Variants in TANC1 observed in about 807,000 individuals in gnomAD.
TANC1 encodes tetratricopeptide repeat, ankyrin repeat and coiled-coil containing 1.
TANC1 carries 77 observed loss-of-function variants against 149.7 expected under a neutral mutation model. The ratio of observed to expected loss-of-function variants is 0.51; its 90% CI spans 0.43 to 0.62. The LOEUF is 0.62. Ranked by LOEUF, TANC1 falls within the 20% of genes least tolerant of loss-of-function variation. TANC1 has a pLI of 0.00. For synonymous variants in TANC1, 854 were observed against 925.0 expected, an observed-to-expected ratio of 0.92 and a Z score of 1.39; for missense variants, 1,985 against 2,321.8, an observed-to-expected ratio of 0.85 and a Z score of 2.98.
chr2:159,028,051 A>C (rs1403944421), intron 2 of TANC1, among the ~76,000 whole-genome samples: 1 of 152,120 alleles, frequency 6.6e-6, no homozygotes, highest in African/African-American at 2.4e-5. Flanking sequence ...TCCACTCCAC[A>C]TATGAATTTG....
At chr2:159,155,328 A>G (rs540318249) in intron 7 of TANC1, among the ~76,000 whole-genome samples, 6 of 152,342 alleles carry the variant, frequency 3.9e-5, no homozygotes, top group African/African-American at 1.2e-4. Context: ...GCAGAGGGGA[A>G]GGACTTATTC....
chr2:159,069,228 A>C (rs983438106), intron 3 of TANC1, among the ~76,000 whole-genome samples: 2 of 152,140 alleles, frequency 1.3e-5, no homozygotes, highest in Non-Finnish European at 2.9e-5. Context: ...AAACTTTACC[A>C]TGTTTTTTTA....
At position 159,101,088 on chromosome 2, in the gene TANC1, G is replaced by A. The variant is rs569565386; in HGVS notation, c.259+3254G>A. The stretch of plus-strand genomic sequence containing the variant: ...GTGCCATCATTCAGACATGTGCTCC[G>A]AAACTACCTTGATGACTTTTGTTCT... On this transcript the variant is annotated intron_variant, in intron 4 of 26. Transcript: ENST00000263635. Among the ~76,000 whole-genome samples the A allele has an allele frequency of 5.3e-5, 8 of 152,186 alleles. No homozygotes were observed. In the South Asian group the frequency reaches 1.0e-3, roughly 20 times the overall value.
chr2:159,151,350 G>A (rs2052790330), intron 7 of TANC1, among the ~76,000 whole-genome samples: 1 of 152,240 alleles, frequency 6.6e-6, no homozygotes, highest in Admixed American at 6.5e-5. Flanking sequence ...CAGGTCTCCA[G>A]CTTGGTGCCT....
intron 5 of TANC1, among the ~76,000 whole-genome samples, chr2:159,146,733 G>C (rs1434086101): frequency 6.6e-6 from 1 of 151,912 alleles, no homozygotes; most frequent in Non-Finnish European, 1.5e-5. Flanking sequence ...TAGAGATGGG[G>C]TTTCACCATG....
At chr2:159,176,728 C>A (rs2055895392) in intron 13 of TANC1, among the ~76,000 whole-genome samples, 1 of 152,180 alleles carries the variant, frequency 6.6e-6, no homozygotes, top group South Asian at 2.1e-4. Flanking sequence ...GGTAAGTTTC[C>A]TGTTGGCATC....
At chr2:159,037,691 T>C (rs1301915452) in intron 2 of TANC1, among the ~76,000 whole-genome samples, 1 of 152,240 alleles carries the variant, frequency 6.6e-6, no homozygotes, top group Non-Finnish European at 1.5e-5. Context: ...TTCTGAGGCC[T>C]CTGTTCTGTT....
Position 159,149,261 on chromosome 2 carries a change from A to G in TANC1, c.484A>G (p.Asn162Asp). Residue 162 changes from asparagine to aspartate, a missense_variant, in exon 6 of 27, where the codon AAT becomes GAT. Physicochemically the swap from Asn to Asp is conservative, Grantham distance 23 (BLOSUM62 1). Around this residue, in one of 3 missense-constraint regions of TANC1, gnomAD observed 557 missense variants for 612.9 expected, o/e 0.91. Transcript: ENST00000263635. ...SATHITIEDKNETMCTALSQG... is the reference protein window; with the variant it reads ...SATHITIEDKDETMCTALSQG... Reference sequence around the variant, plus strand: ...CACACACATAACCATTGAAGACAAAAATGAAACCATGGTAATGCCCGAGGA... The same window carrying G: ...CACACACATAACCATTGAAGACAAAGATGAAACCATGGTAATGCCCGAGGA... The G allele has an allele frequency of 6.2e-7, 1 of 1,614,190 alleles. No homozygotes were observed. The highest frequency in any genetic ancestry group is 8.5e-7 in the Non-Finnish European group (1 of 1,180,020).
At position 159,103,539 on chromosome 2, in the gene TANC1, T is replaced by G. The variant is rs1374510258; in HGVS notation, c.259+5705T>G. Reference sequence around the variant, plus strand: ...TCTGTCTGCACTTCTCAGGCAATTTTCATTTTCTTTCTTTGCATGAGACTG... The same window carrying G: ...TCTGTCTGCACTTCTCAGGCAATTTGCATTTTCTTTCTTTGCATGAGACTG... On this transcript the variant is annotated intron_variant, in intron 4 of 26. Transcript: ENST00000263635. 1.1e-4 allele frequency among the ~76,000 whole-genome samples: 11 copies of G among 96,896 alleles called. 3 individuals are homozygous for G. Among genetic ancestry groups the G allele is most frequent in the African/African-American group, 3.2e-4 (11 of 34,916 alleles). 63.6% of individuals were successfully genotyped at this position (96,896 alleles called of 152,430 possible).
intron 3 of TANC1, among the ~76,000 whole-genome samples, chr2:159,076,168 G>A (rs139781965): frequency 4.6e-5 from 7 of 152,132 alleles, no homozygotes; most frequent in African/African-American, 1.7e-4. Context: ...GGGCTTGTTA[G>A]TCTTGTTCTT....
At chr2:159,175,888 G>GC (rs1430492403) in intron 12 of TANC1, among the ~76,000 whole-genome samples, 2 of 152,238 alleles carry the variant, frequency 1.3e-5, no homozygotes, top group Non-Finnish European at 2.9e-5. Context: ...GTAGCGTGGA[G>GC]CTCTCACGCT....
rs778154512 is a variant in TANC1 at position 159,176,413 on chromosome 2, T to C, written c.1797T>C (p.Phe599=). ...TAGATGGCTTAAATGAAGCTGAGTT[T>C]CATAAACCTGATTATGGAGATACGC... The part of the protein sequence containing the change: ...ILIDGLNEAE[F]HKPDYGDTLS... Residue 599 remains phenylalanine, a synonymous_variant, in exon 13 of 27, where the codon TTT becomes TTC. Transcript: ENST00000263635. 1.1e-5 allele frequency: 17 copies of C among 1,582,040 alleles called. No homozygotes were observed. Among genetic ancestry groups the C allele is most frequent in the Non-Finnish European group, 1.5e-5 (17 of 1,164,038 alleles).
chr2:159,081,526 A>C (rs1326120475), intron 3 of TANC1, among the ~76,000 whole-genome samples: 1 of 152,152 alleles, frequency 6.6e-6, no homozygotes, highest in African/African-American at 2.4e-5. Context: ...TGTCACCACC[A>C]GCAGTCATAG....
intron 2 of TANC1, among the ~76,000 whole-genome samples, chr2:159,016,909 ACTCCTCTTCTTATATTTC>A (rs2038338400): frequency 6.6e-6 from 1 of 151,558 alleles, no homozygotes; most frequent in South Asian, 2.1e-4. Context: ...AGAAATATCT[ACTCCTCTTCTTATATTTC>A]CTTCCATTGC....
chr2:159,177,053 G>T (rs1374111451), intron 13 of TANC1, among the ~76,000 whole-genome samples: 4 of 151,760 alleles, frequency 2.6e-5, no homozygotes, highest in Non-Finnish European at 5.9e-5. Context: ...GGGATTACAG[G>T]CATCTGCCAC....
intron 3 of TANC1, among the ~76,000 whole-genome samples, chr2:159,079,530 A>C (rs1235671771): frequency 6.6e-6 from 1 of 152,164 alleles, no homozygotes; most frequent in Non-Finnish European, 1.5e-5. Flanking sequence ...TGTTTTGGGC[A>C]GTATAGCAGC....
chr2:159,138,689 T>C (rs1421790422), intron 5 of TANC1, among the ~76,000 whole-genome samples: 5 of 152,220 alleles, frequency 3.3e-5, no homozygotes, highest in Non-Finnish European at 7.3e-5. Flanking sequence ...CCTTGGACAT[T>C]CTTGTTTAAG....
intron 2 of TANC1, among the ~76,000 whole-genome samples, chr2:159,059,290 C>T (rs557279222): frequency 1.4e-4 from 22 of 152,204 alleles, no homozygotes; most frequent in African/African-American, 5.1e-4. Context: ...ATTACTTGAG[C>T]CCAGGAGTTT....
At chr2:159,002,975 T>C (rs543107658) in intron 2 of TANC1, among the ~76,000 whole-genome samples, 3 of 152,370 alleles carry the variant, frequency 2.0e-5, no homozygotes, top group Admixed American at 2.0e-4. Flanking sequence ...CAGCAGTATG[T>C]CAGCTGTAAC....
Sources: gnomAD v4.1 joint callset for allele counts (sites outside exome capture counted in the v4.1 genomes callset) on GRCh38, gnomAD v4.1.1 for gene constraint, gnomAD v4.1.1 regional missense constraint, MANE v1.5 for transcripts, NCBI Gene and HGNC (gene_info 2026-07-23, HGNC 2026-07-21) for gene names.